Variants in ANAPC10 observed in about 807,000 individuals in gnomAD.
ANAPC10 encodes anaphase promoting complex subunit 10.
In ANAPC10, 12 loss-of-function variants were observed where a neutral mutation model predicts 22.0. The observed-to-expected ratio is 0.55, with a 90% CI of 0.35 to 0.88. ANAPC10 has a LOEUF of 0.88. Among genes scored for constraint, ANAPC10 ranks in the 40% least tolerant of loss-of-function variants. ANAPC10 has a pLI of 0.01. For missense variants in ANAPC10, 188 were observed against 220.9 expected (o/e 0.85, Z 0.94); for synonymous variants, 65 against 69.5 (o/e 0.94, Z 0.32).
In ANAPC10 at chr4:145,000,261, A is replaced by C. The variant is rs928122997; in HGVS notation, c.328-4658T>G. 3.9e-5 allele frequency among the ~76,000 whole-genome samples: 6 copies of C among 152,196 alleles called. No homozygotes were observed. In the South Asian group the frequency reaches 8.3e-4, roughly 21 times the overall value. Reference sequence around the variant, plus strand: ...AAAAGAAACTACCATTGGAGTGAAAAGGCAAAAAAGGCAACCTAAAGAATG... The same window carrying C: ...AAAAGAAACTACCATTGGAGTGAAACGGCAAAAAAGGCAACCTAAAGAATG... On this transcript the variant is annotated intron_variant, in intron 4 of 4. Coordinates refer to ENST00000507656, the MANE Select transcript of ANAPC10 (RefSeq NM_001256706.2).
intron 4 of ANAPC10, among the ~76,000 whole-genome samples, chr4:145,046,290 T>C (rs1388171200): frequency 6.6e-6 from 1 of 152,142 alleles, no homozygotes; most frequent in Non-Finnish European, 1.5e-5. Context: ...CCCTACTCTA[T>C]AAATTTGTTC....
intron 3 of ANAPC10, among the ~76,000 whole-genome samples, chr4:145,073,379 T>A (rs1310688561): frequency 6.6e-6 from 1 of 152,204 alleles, no homozygotes; most frequent in Non-Finnish European, 1.5e-5. Context: ...TGATATTTTT[T>A]AAAAACCTAA....
intron 4 of ANAPC10, among the ~76,000 whole-genome samples, chr4:145,057,734 C>T (rs528650776): frequency 6.6e-6 from 1 of 152,268 alleles, no homozygotes; most frequent in South Asian, 2.1e-4. Context: ...CTGCCCCTCC[C>T]CCTCAGAATG....
At chr4:145,002,832 A>G (rs1732772215) in intron 4 of ANAPC10, among the ~76,000 whole-genome samples, 1 of 152,174 alleles carries the variant, frequency 6.6e-6, no homozygotes, top group East Asian at 1.9e-4. Context: ...TATATACATA[A>G]TATTATTTTT....
chr4:145,082,058 A>C (rs1182421889), intron 2 of ANAPC10, among the ~76,000 whole-genome samples: 1 of 152,208 alleles, frequency 6.6e-6, no homozygotes, highest in African/African-American at 2.4e-5. Flanking sequence ...TTCAGAGCTC[A>C]ACTCTTATTA....
chr4:145,044,142 CCCTTGA>C, intron 4 of ANAPC10, among the ~76,000 whole-genome samples: 1 of 152,140 alleles, frequency 6.6e-6, no homozygotes, highest in East Asian at 1.9e-4. Flanking sequence ...GATAATGCTG[CCCTTGA>C]CAGTATTTGC....
At chr4:145,026,987 A>T (rs1326676986) in intron 4 of ANAPC10, among the ~76,000 whole-genome samples, 7 of 15,370 alleles carry the variant, frequency 4.6e-4, no homozygotes, top group South Asian at 3.4e-3. Context: ...ATATATATAT[A>T]TTTTTTTTTT....
At chr4:145,032,533 T>C (rs1737767527) in intron 4 of ANAPC10, among the ~76,000 whole-genome samples, 1 of 152,202 alleles carries the variant, frequency 6.6e-6, no homozygotes, top group African/African-American at 2.4e-5. Context: ...AGGAGTTTAA[T>C]AATCACATGG....
At chr4:145,030,224 A>C (rs1469662645) in intron 4 of ANAPC10, among the ~76,000 whole-genome samples, 1 of 152,236 alleles carries the variant, frequency 6.6e-6, no homozygotes, top group African/African-American at 2.4e-5. Context: ...CAAAGGACTA[A>C]TCTGAATTAT....
intron 3 of ANAPC10, 55 bp downstream of exon 3, chr4:145,081,605 G>C (rs1263723683): frequency 3.7e-6 from 4 of 1,092,794 alleles, no homozygotes; most frequent in Non-Finnish European, 5.4e-6. Flanking sequence ...TAATAAAATA[G>C]ATTTATTTGT....
chr4:145,076,216 G>A (rs753167430), intron 3 of ANAPC10, among the ~76,000 whole-genome samples: 113 of 152,202 alleles, frequency 7.4e-4, no homozygotes, highest in Non-Finnish European at 1.4e-3. Context: ...CCAGCACACT[G>A]GAAACACTGT....
chr4:145,032,685 C>G (rs1737807410), intron 4 of ANAPC10, among the ~76,000 whole-genome samples: 1 of 152,172 alleles, frequency 6.6e-6, no homozygotes. Flanking sequence ...CTTCCACTCA[C>G]CAAGGCTGAC....
intron 3 of ANAPC10, among the ~76,000 whole-genome samples, chr4:145,073,139 C>G (rs1744718012): frequency 6.6e-6 from 1 of 152,220 alleles, no homozygotes; most frequent in South Asian, 2.1e-4. Context: ...AACAATCCTC[C>G]TACCTCAGCC....
chr4:145,013,954 G>C (rs979790925), intron 4 of ANAPC10, among the ~76,000 whole-genome samples: 7 of 152,108 alleles, frequency 4.6e-5, no homozygotes, highest in African/African-American at 1.7e-4. Context: ...TCCCCAGGCA[G>C]GCCATTCTTG....
chr4:144,996,931 T>C (rs778822335), intron 4 of ANAPC10, among the ~76,000 whole-genome samples: 2 of 152,062 alleles, frequency 1.3e-5, no homozygotes, highest in Non-Finnish European at 2.9e-5. Flanking sequence ...ACGAGAACTA[T>C]GTGACGCATG....
intron 3 of ANAPC10, among the ~76,000 whole-genome samples, chr4:145,072,676 T>G (rs964012746): frequency 6.6e-6 from 1 of 152,138 alleles, no homozygotes; most frequent in African/African-American, 2.4e-5. Flanking sequence ...AGCTCTCAAG[T>G]GCTAAAAAAA....
chr4:145,042,083 C>A (rs1028408596), intron 4 of ANAPC10, among the ~76,000 whole-genome samples: 1 of 152,118 alleles, frequency 6.6e-6, no homozygotes, highest in South Asian at 2.1e-4. Flanking sequence ...TCCCTATTAT[C>A]TGGTAAATAA....
chr4:145,018,537 C>T (rs1210522238), intron 4 of ANAPC10, among the ~76,000 whole-genome samples: 1 of 151,944 alleles, frequency 6.6e-6, no homozygotes, highest in Non-Finnish European at 1.5e-5. Context: ...ACTTAGGAGG[C>T]TGAGGCAGGA....
intron 4 of ANAPC10, among the ~76,000 whole-genome samples, chr4:145,036,094 G>C (rs1409201508): frequency 6.6e-6 from 1 of 151,976 alleles, no homozygotes; most frequent in African/African-American, 2.4e-5. Flanking sequence ...ACAAAATAAT[G>C]CCTAAAAAAA....
Sources: allele counts gnomAD v4.1 joint callset (sites outside exome capture counted in the v4.1 genomes callset), GRCh38; gene constraint gnomAD v4.1.1; transcripts MANE v1.5; gene names NCBI Gene and HGNC (gene_info 2026-07-23, HGNC 2026-07-21).